The following PDE11A variants were observed in gnomAD, a reference collection of about 807,000 sequenced individuals.
PDE11A encodes the protein phosphodiesterase 11A, also known as dual 3',5'-cyclic-AMP and -GMP phosphodiesterase 11A.
In PDE11A, 100 loss-of-function variants were observed where a neutral mutation model predicts 100.5. The observed-to-expected ratio is 1.00, with a 90% CI of 0.85 to 1.18. The LOEUF (loss-of-function observed/expected upper bound fraction) is 1.18. PDE11A is among the 50% of genes most tolerant of loss of function. The pLI is 0.00. For synonymous variants in PDE11A, 381 were observed against 420.8 expected, an observed-to-expected ratio of 0.91 and a Z score of 1.16; for missense variants, 1,141 against 1,152.6, an observed-to-expected ratio of 0.99 and a Z score of 0.15.
chr2:177,999,764 A>G (rs1023099003), intron 2 of PDE11A, among the ~76,000 whole-genome samples: 1 of 152,204 alleles, frequency 6.6e-6, no homozygotes, highest in Admixed American at 6.5e-5. Context: ...CTTGTGAGGA[A>G]TCATTTTAAA....
intron 9 of PDE11A, among the ~76,000 whole-genome samples, chr2:177,811,844 C>G (rs1244788874): frequency 6.6e-6 from 1 of 152,120 alleles, no homozygotes; most frequent in South Asian, 2.1e-4. Flanking sequence ...GCTGCACTTG[C>G]GATGCTTCTG....
At chr2:178,057,986 T>C (rs1026722965) in intron 1 of PDE11A, among the ~76,000 whole-genome samples, 2 of 152,074 alleles carry the variant, frequency 1.3e-5, no homozygotes, top group African/African-American at 4.8e-5. Flanking sequence ...GCCCCCCTAG[T>C]AGCTGGGATT....
chr2:177,840,987 T>G (rs1374619431), intron 5 of PDE11A, among the ~76,000 whole-genome samples: 1 of 152,220 alleles, frequency 6.6e-6, no homozygotes, highest in Non-Finnish European at 1.5e-5. Flanking sequence ...TTCTTAACAA[T>G]AGCCCATATA....
intron 15 of PDE11A, among the ~76,000 whole-genome samples, chr2:177,695,315 AT>A (rs1252380267): frequency 6.6e-6 from 1 of 152,140 alleles, no homozygotes; most frequent in Admixed American, 6.5e-5. Context: ...TATCATTTCT[AT>A]TTGTTAGGAA....
intron 5 of PDE11A, among the ~76,000 whole-genome samples, chr2:177,858,220 T>C (rs906555632): frequency 8.6e-4 from 131 of 152,084 alleles, no homozygotes; most frequent in African/African-American, 3.1e-3. Context: ...CCAAAAGCAA[T>C]GGCAACAGAA....
Position 177,871,561 on chromosome 2 carries a change from T to TATTATTATTATC in PDE11A, c.1367+4297_1367+4298insGATAATAATAAT, listed in dbSNP as rs2084136200. Reference sequence around the variant, plus strand: ...TTATTATTATTATTATTATTATTATTATTATTATTATTTTAAATCTTAGGC... The same window carrying TATTATTATTATC: ...TTATTATTATTATTATTATTATTATTATTATTATTATCATTATTATTATTTTAAATCTTAGGC... On this transcript the variant is annotated intron_variant, in intron 5 of 19. Transcript: ENST00000286063. Among the ~76,000 whole-genome samples, 4 of 130,380 alleles carry TATTATTATTATC rather than the reference T, an allele frequency of 3.1e-5. No homozygotes were observed. In the South Asian group the frequency reaches 1.0e-3, roughly 34 times the overall value. The allele number at this position is 130,380 out of a possible 152,430, so 85.5% of individuals were successfully genotyped here.
intron 5 of PDE11A, among the ~76,000 whole-genome samples, chr2:177,864,632 A>C (rs1054041164): frequency 1.4e-4 from 21 of 152,210 alleles, no homozygotes; most frequent in African/African-American, 4.8e-4. Flanking sequence ...CAAATTGCCC[A>C]GCAAGGATAT....
At chr2:177,801,795 T>C (rs1468140564) in intron 9 of PDE11A, among the ~76,000 whole-genome samples, 1 of 152,066 alleles carries the variant, frequency 6.6e-6, no homozygotes, top group Non-Finnish European at 1.5e-5. Flanking sequence ...GATTTGTGGG[T>C]AGGCAAAGGT....
intron 9 of PDE11A, among the ~76,000 whole-genome samples, chr2:177,800,958 A>G (rs1209161881): frequency 2.6e-5 from 4 of 152,238 alleles, no homozygotes; most frequent in African/African-American, 9.6e-5. Context: ...GGAAGGAGAG[A>G]AGCACCCTAA....
Position 177,711,822 on chromosome 2 carries a change from T to C in PDE11A, c.2100A>G (p.Gly700=), listed in dbSNP as rs1204688226. The change falls in exon 13 of 20, where the codon GGA becomes GGG. Residue 700 remains glycine (G), a synonymous_variant. Coordinates refer to ENST00000286063, the MANE Select transcript of PDE11A (RefSeq NM_016953.4). The part of the protein sequence containing the change: ...TEVEILAVIV[G]CLCHDLDHRG... ...TGTGGTCGAGGTCATGACACAGGCATCCCACAATCACCGCTAAAATTTCCA... is the reference window on the plus strand; with the variant it reads ...TGTGGTCGAGGTCATGACACAGGCACCCCACAATCACCGCTAAAATTTCCA... The C allele has an allele frequency of 1.2e-6, 2 of 1,612,936 alleles. No individual in the cohort carries two copies. Among genetic ancestry groups the C allele is most frequent in the Middle Eastern group, 1.7e-4 (1 of 6,058 alleles).
rs1449852486 is a variant in PDE11A at position 177,982,912 on chromosome 2, T to A, written c.1071+31390A>T. ...CTTGTCAACATAGTAAAACCCCATCTCTACTAAAAATACAAAAATTAGCCA... is the reference window on the plus strand; with the variant it reads ...CTTGTCAACATAGTAAAACCCCATCACTACTAAAAATACAAAAATTAGCCA... On this transcript the variant is annotated intron_variant, in intron 2 of 19. Transcript: ENST00000286063. Among the ~76,000 whole-genome samples, 2 of 150,360 alleles carry A rather than the reference T, an allele frequency of 1.3e-5. 1 individual carries two copies. The highest frequency in any genetic ancestry group is 3.0e-5 in the Non-Finnish European group (2 of 67,072).
At chr2:177,878,107 A>G (rs1010213977) in intron 4 of PDE11A, among the ~76,000 whole-genome samples, 10 of 152,252 alleles carry the variant, frequency 6.6e-5, no homozygotes, top group Non-Finnish European at 1.5e-4. Flanking sequence ...CTGTGTGACC[A>G]GATGAATGTA....
chr2:177,639,582 G>C (rs2080108371), intron 19 of PDE11A, among the ~76,000 whole-genome samples: 1 of 152,176 alleles, frequency 6.6e-6, no homozygotes. Context: ...AACACATCTA[G>C]AATGAGCCAC....
intron 9 of PDE11A, among the ~76,000 whole-genome samples, chr2:177,803,633 T>C (rs1052998775): frequency 6.6e-6 from 1 of 151,906 alleles, no homozygotes; most frequent in Non-Finnish European, 1.5e-5. Flanking sequence ...CTCAGGGATG[T>C]GAGAATAGTT....
upstream of PDE11A, among the ~76,000 whole-genome samples, chr2:178,074,133 C>A (rs2087174000): frequency 6.6e-6 from 1 of 151,970 alleles, no homozygotes; most frequent in Admixed American, 6.5e-5. Context: ...CAAATGACCA[C>A]ATAGTGTAAA....
rs1174491805 is a variant in PDE11A at position 177,876,329 on chromosome 2, T to C, written c.1303-406A>G. 1.6e-5 allele frequency among the ~76,000 whole-genome samples: 2 copies of C among 123,470 alleles called. 1 individual carries two copies. The highest frequency in any genetic ancestry group is 3.5e-5 in the Non-Finnish European group (2 of 57,640). 81.0% of individuals were successfully genotyped at this position (123,470 alleles called of 152,430 possible). On this transcript the variant is annotated intron_variant, in intron 4 of 19. Coordinates refer to ENST00000286063, the MANE Select transcript of PDE11A (RefSeq NM_016953.4). The stretch of plus-strand genomic sequence containing the variant: ...AAGATGCCCTCTGTCAACCCCAGGC[T>C]CCTGAAGTTAGTTCATCTTTAAGCT...
chr2:177,926,148 C>A (rs2085121789), intron 2 of PDE11A, among the ~76,000 whole-genome samples: 1 of 152,200 alleles, frequency 6.6e-6, no homozygotes, highest in Non-Finnish European at 1.5e-5. Context: ...TTAGACTCAG[C>A]ACTAATCTTA....
chr2:177,640,337 A>G (rs1013357458), intron 19 of PDE11A, among the ~76,000 whole-genome samples: 1 of 152,242 alleles, frequency 6.6e-6, no homozygotes, highest in Non-Finnish European at 1.5e-5. Context: ...AAATCATTGG[A>G]AGTTGGTATT....
At position 177,719,878 on chromosome 2, in the gene PDE11A, C is replaced by A. The variant is rs541997301; in HGVS notation, c.2043+7780G>T. ...CAAGATGCTCATATCATCTTAACAA[C>A]AAAAAAAAAGGCCCAATTTGCAATG... On this transcript the variant is annotated intron_variant, in intron 12 of 19. Coordinates refer to ENST00000286063, the MANE Select transcript of PDE11A (RefSeq NM_016953.4). Among the ~76,000 whole-genome samples, 404 of 150,802 alleles carry A rather than the reference C, an allele frequency of 2.7e-3. 6 individuals are homozygous for A. The highest frequency in any genetic ancestry group is 9.1e-3 in the African/African-American group (376 of 41,184).
Sources: allele counts gnomAD v4.1 joint callset (sites outside exome capture counted in the v4.1 genomes callset), GRCh38; gene constraint gnomAD v4.1.1; transcripts MANE v1.5; gene names NCBI Gene and HGNC (gene_info 2026-07-23, HGNC 2026-07-21).